The following DPPA2 variants were observed in gnomAD, a reference collection of about 807,000 sequenced individuals.
DPPA2 encodes developmental pluripotency associated 2.
A neutral mutation model predicts 36.2 loss-of-function variants in DPPA2; 26 were observed. The observed-to-expected ratio is 0.72, with a 90% CI of 0.53 to 1.00. The LOEUF is 1.00. DPPA2 is among the 50% of genes least tolerant of loss of function. The pLI, the probability that DPPA2 is intolerant of heterozygous loss-of-function variation, is 0.00. For synonymous variants in DPPA2, 113 were observed against 123.2 expected (o/e 0.92, Z 0.55); for missense variants, 361 against 365.1 (o/e 0.99, Z 0.09).
Position 109,314,573 on chromosome 3 carries a change from A to G in DPPA2, c.-13-18T>C. On this transcript the variant is annotated intron_variant, in intron 1 of 8. Coordinates refer to ENST00000478945, the MANE Select transcript of DPPA2 (RefSeq NM_138815.4). ...GCAACACCCTGGGGAAGGCAAGGAC[A>G]GCAATGTTAAGGATATGGTAGTTTA... The G allele has an allele frequency of 6.2e-7, 1 of 1,607,032 alleles. No individual in the cohort carries two copies.
Position 109,309,203 on chromosome 3 carries a change from C to T in DPPA2, c.309G>A (p.Trp103Ter), listed in dbSNP as rs1707647904. Reference protein sequence around the residue: ...NKVCRDTLRDWCQQLGLSTNG... With the variant: ...NKVCRDTLRD The stretch of plus-strand genomic sequence containing the variant: ...TAGTACTCAAACCGAGTTGTTGACA[C>T]CAGTCCCGCAAAGTGTCCCGACACA... Residue 103 changes from tryptophan (W) to a stop codon, truncating the protein, a stop_gained, in exon 4 of 9, where the codon TGG becomes TGA. Coordinates refer to ENST00000478945, the MANE Select transcript of DPPA2 (RefSeq NM_138815.4). LOFTEE classifies it high-confidence loss of function. 6.2e-7 allele frequency: 1 copy of T among 1,614,184 alleles called. No homozygotes were observed. The highest frequency in any genetic ancestry group is 1.6e-4 in the Middle Eastern group (1 of 6,062).
In DPPA2 at chr3:109,304,691, T is replaced by G. The variant is rs747718659; in HGVS notation, c.659-21A>C. 1.3e-5 allele frequency: 21 copies of G among 1,561,514 alleles called. 1 individual carries two copies. The South Asian group carries it at 2.4e-4, about 18-fold the overall frequency. On this transcript the variant is annotated intron_variant, in intron 6 of 8. Coordinates refer to ENST00000478945, the MANE Select transcript of DPPA2 (RefSeq NM_138815.4). ...GACGCCTGGAAAGGAAAAACAAATA[T>G]AGACAGCAAAAATCAAGATAGCACC...
intron 3 of DPPA2, among the ~76,000 whole-genome samples, chr3:109,309,754 A>G (rs1320447306): frequency 2.0e-5 from 3 of 150,614 alleles, no homozygotes; most frequent in African/African-American, 7.3e-5. Flanking sequence ...GCATATACAC[A>G]TATCAATTTT....
intron 8 of DPPA2, among the ~76,000 whole-genome samples, chr3:109,294,666 C>T (rs564937254): frequency 6.6e-6 from 1 of 152,352 alleles, no homozygotes; most frequent in South Asian, 2.1e-4. Context: ...TCCCTTTCTG[C>T]ACAGAGCTGA....
At chr3:109,300,457 A>G (rs768893998) in intron 7 of DPPA2, 22 bp from the exon 8 acceptor site, 1 of 1,611,168 alleles carries the variant, frequency 6.2e-7, no homozygotes, top group African/African-American at 1.3e-5. Flanking sequence ...GTAGAAAAGA[A>G]CTGTGAAATA....
intron 8 of DPPA2, among the ~76,000 whole-genome samples, chr3:109,298,132 G>A (rs1483825454): frequency 1.3e-5 from 2 of 152,048 alleles, no homozygotes; most frequent in East Asian, 1.9e-4. Flanking sequence ...ATGGGCTTGC[G>A]GGGAGGGATG....
At chr3:109,309,126 C>T in intron 4 of DPPA2, 44 bp downstream of exon 4, 1 of 1,614,038 alleles carries the variant, frequency 6.2e-7, no homozygotes, top group Non-Finnish European at 8.5e-7. Context: ...ACAAAGACTC[C>T]CATAATTATT....
At chr3:109,302,585 C>G (rs556747323) in intron 7 of DPPA2, among the ~76,000 whole-genome samples, 102 of 152,248 alleles carry the variant, frequency 6.7e-4, no homozygotes, top group African/African-American at 2.3e-3. Flanking sequence ...TCCCAAGTAG[C>G]TGGGATTACA....
chr3:109,315,730 A>G (rs1205414103), intron 1 of DPPA2, among the ~76,000 whole-genome samples: 3 of 152,156 alleles, frequency 2.0e-5, no homozygotes, highest in African/African-American at 7.2e-5. Flanking sequence ...AACACATTCA[A>G]AATATTGTCT....
At chr3:109,303,626 C>T (rs1707498551) in intron 7 of DPPA2, among the ~76,000 whole-genome samples, 1 of 152,080 alleles carries the variant, frequency 6.6e-6, no homozygotes, top group African/African-American at 2.4e-5. Context: ...GCCTCGGCCT[C>T]CCAAACTGCT....
At chr3:109,295,038 CA>C (rs1054421385) in intron 8 of DPPA2, among the ~76,000 whole-genome samples, 3 of 151,918 alleles carry the variant, frequency 2.0e-5, no homozygotes, top group African/African-American at 7.2e-5. Context: ...AACAAAAAAC[CA>C]AAAAACTGTT....
intron 2 of DPPA2, among the ~76,000 whole-genome samples, chr3:109,313,273 G>T (rs1707739859): frequency 6.6e-6 from 1 of 152,106 alleles, no homozygotes; most frequent in Admixed American, 6.5e-5. Context: ...CAACAGTCTG[G>T]TCCCTGCCTG....
chr3:109,301,577 G>A (rs1348153200), intron 7 of DPPA2, among the ~76,000 whole-genome samples: 1 of 151,912 alleles, frequency 6.6e-6, no homozygotes, highest in African/African-American at 2.4e-5. Flanking sequence ...GCTTGAACCT[G>A]GGAGGCAGAG....
chr3:109,303,929 G>C (rs1244154715), intron 7 of DPPA2, among the ~76,000 whole-genome samples: 1 of 151,806 alleles, frequency 6.6e-6, no homozygotes, highest in Non-Finnish European at 1.5e-5. Flanking sequence ...CTGAGGTCAG[G>C]AGCTTGAGAC....
chr3:109,314,834 G>C lies in DPPA2; in HGVS notation c.-13-279C>G, dbSNP rs181731616. On this transcript the variant is annotated intron_variant, in intron 1 of 8. Coordinates refer to ENST00000478945, the MANE Select transcript of DPPA2 (RefSeq NM_138815.4). ...TCCCAGCACTTTGGGAGGCCCAGGG[G>C]GGGCGGATCGATTGAGTCCAGGAGT... 5.3e-3 allele frequency among the ~76,000 whole-genome samples: 801 copies of C among 152,270 alleles called. 14 individuals carry two copies. The highest frequency in any genetic ancestry group is 0.018 in the African/African-American group (729 of 41,558).
chr3:109,312,768 T>C (rs1417740938), intron 2 of DPPA2, 76 bp from the exon 3 acceptor site: 1 of 1,556,350 alleles, frequency 6.4e-7, no homozygotes, highest in African/African-American at 1.4e-5. Flanking sequence ...GCAAAAGTCA[T>C]GAATAAGGAA....
At position 109,310,194 on chromosome 3, in the gene DPPA2, C is replaced by T. The variant is rs555053863; in HGVS notation, c.182-864G>A. 1.8e-4 allele frequency among the ~76,000 whole-genome samples: 27 copies of T among 147,884 alleles called. No individual in the cohort carries two copies. The East Asian group carries it at 5.3e-3, about 29-fold the overall frequency. On this transcript the variant is annotated intron_variant, in intron 3 of 8. Coordinates refer to ENST00000478945, the MANE Select transcript of DPPA2 (RefSeq NM_138815.4). ...GGTGAGCCAAGATCGCGCCATTGCACTCCAGCCTGGGCAACAAGAGTAAAA... is the reference window on the plus strand; with the variant it reads ...GGTGAGCCAAGATCGCGCCATTGCATTCCAGCCTGGGCAACAAGAGTAAAA...
chr3:109,308,619 C>T (rs1017935395), intron 5 of DPPA2, among the ~76,000 whole-genome samples: 1 of 152,210 alleles, frequency 6.6e-6, no homozygotes, highest in African/African-American at 2.4e-5. Flanking sequence ...GCCTCGGCCT[C>T]CCAAAGTGCT....
chr3:109,296,823 G>T (rs531090605), intron 8 of DPPA2, among the ~76,000 whole-genome samples: 11 of 151,996 alleles, frequency 7.2e-5, no homozygotes, highest in African/African-American at 2.7e-4. Flanking sequence ...GTGCAAAAAG[G>T]CCAGGCAAAA....
Sources: allele counts gnomAD v4.1 joint callset (sites outside exome capture counted in the v4.1 genomes callset), GRCh38; gene constraint gnomAD v4.1.1; transcripts MANE v1.5; gene names NCBI Gene and HGNC (gene_info 2026-07-23, HGNC 2026-07-21).